Variants in MYO1D observed in about 807,000 individuals in gnomAD.
The protein encoded by MYO1D is unconventional myosin-Id.
A neutral mutation model predicts 122.0 loss-of-function variants in MYO1D; 83 were observed. The ratio of observed to expected loss-of-function variants is 0.68; its 90% CI spans 0.57 to 0.82. The LOEUF (loss-of-function observed/expected upper bound fraction) is 0.82, where lower values mean the gene tolerates loss of function less well. Ranked by LOEUF, MYO1D falls within the 40% of genes least tolerant of loss-of-function variation. The pLI is 0.00. For synonymous variants in MYO1D, 464 were observed against 446.9 expected (o/e 1.04, Z -0.48); for missense variants, 1,157 against 1,269.5 (o/e 0.91, Z 1.35).
intron 10 of MYO1D, among the ~76,000 whole-genome samples, chr17:32,759,573 T>C: frequency 6.6e-6 from 1 of 152,154 alleles, no homozygotes; most frequent in East Asian, 1.9e-4. Context: ...TGCTTAAAAA[T>C]ACAAACTTAC....
Position 32,544,083 on chromosome 17 carries a change from G to A in MYO1D, c.2865-49168C>T, listed in dbSNP as rs572798425. Among the ~76,000 whole-genome samples, 7 of 150,076 alleles carry A rather than the reference G, an allele frequency of 4.7e-5. No homozygotes were observed. In the South Asian group the frequency reaches 8.4e-4, roughly 18 times the overall value. On this transcript the variant is annotated intron_variant, in intron 21 of 21. Transcript: ENST00000318217. The stretch of plus-strand genomic sequence containing the variant: ...GCTGGGACTACAGGTGTGAGCCACC[G>A]CGCCTGGCCAAATCTTGCTTTTTTT...
chr17:32,818,726 T>C (rs2151056086), intron 1 of MYO1D, among the ~76,000 whole-genome samples: 1 of 152,348 alleles, frequency 6.6e-6, no homozygotes, highest in South Asian at 2.1e-4. Context: ...TCTAAGCCTG[T>C]TTCCTCATCT....
chr17:32,854,103 T>C (rs1173242220), intron 1 of MYO1D, among the ~76,000 whole-genome samples: 1 of 152,178 alleles, frequency 6.6e-6, no homozygotes, highest in Non-Finnish European at 1.5e-5. Flanking sequence ...ACTAGCAATA[T>C]CAACAACTTC....
intron 16 of MYO1D, among the ~76,000 whole-genome samples, chr17:32,702,080 C>G (rs1391814779): frequency 2.0e-5 from 3 of 152,194 alleles, no homozygotes; most frequent in Non-Finnish European, 2.9e-5. Context: ...CCATAACATG[C>G]CTGCCAGTTT....
chr17:32,704,727 T>C (rs957496741), intron 16 of MYO1D, among the ~76,000 whole-genome samples: 4 of 152,026 alleles, frequency 2.6e-5, no homozygotes, highest in Non-Finnish European at 4.4e-5. Flanking sequence ...GAGTGAAGAA[T>C]TGGAAACGCC....
intron 21 of MYO1D, among the ~76,000 whole-genome samples, chr17:32,548,238 C>T (rs1244885732): frequency 6.6e-6 from 1 of 151,608 alleles, no homozygotes; most frequent in East Asian, 2.0e-4. Context: ...GGCAACAAGG[C>T]TGGTCTTTTA....
intron 21 of MYO1D, among the ~76,000 whole-genome samples, chr17:32,516,849 G>A (rs554976116): frequency 6.6e-6 from 1 of 152,294 alleles, no homozygotes; most frequent in South Asian, 2.1e-4. Context: ...GCTTGTAAGT[G>A]GATTAAATAG....
intron 16 of MYO1D, among the ~76,000 whole-genome samples, chr17:32,698,892 T>C (rs1807530578): frequency 6.6e-6 from 1 of 152,142 alleles, no homozygotes; most frequent in Non-Finnish European, 1.5e-5. Context: ...TAAGAACATA[T>C]AAATAATATG....
intron 21 of MYO1D, among the ~76,000 whole-genome samples, chr17:32,602,993 T>C (rs943660173): frequency 6.6e-6 from 1 of 152,154 alleles, no homozygotes; most frequent in Non-Finnish European, 1.5e-5. Context: ...AGCCTGACTT[T>C]TCTGGGGTCT....
At chr17:32,619,507 C>T (rs2087826727) in intron 20 of MYO1D, among the ~76,000 whole-genome samples, 1 of 152,144 alleles carries the variant, frequency 6.6e-6, no homozygotes, top group African/African-American at 2.4e-5. Flanking sequence ...GCCAATGGCT[C>T]TCAACCATGG....
chr17:32,716,868 G>A (rs2089454562), intron 15 of MYO1D, among the ~76,000 whole-genome samples: 1 of 152,206 alleles, frequency 6.6e-6, no homozygotes, highest in African/African-American at 2.4e-5. Flanking sequence ...TTAAAAAGTT[G>A]AACTCATCTG....
intron 1 of MYO1D, among the ~76,000 whole-genome samples, chr17:32,873,430 T>C (rs558693438): frequency 1.3e-5 from 2 of 152,278 alleles, no homozygotes; most frequent in East Asian, 1.9e-4. Context: ...CAAGCACACA[T>C]GGGAATTTCA....
rs762319710 is a variant in MYO1D, at chr17:32,876,845, C to A, written c.28G>T (p.Gly10Cys). 1 of 1,517,532 alleles carries A rather than the reference C, an allele frequency of 6.6e-7. No individual in the cohort carries two copies. The highest frequency in any genetic ancestry group is 1.2e-5 in the South Asian group (1 of 80,308). 94.0% of individuals were successfully genotyped at this position (1,517,532 alleles called of 1,614,324 possible). Residue 10 changes from glycine (G) to cysteine (C), a missense_variant, in exon 1 of 22, where the codon GGC becomes TGC. Coordinates refer to ENST00000318217, the MANE Select transcript of MYO1D (RefSeq NM_015194.3). The stretch of plus-strand genomic sequence containing the variant: ...TCCATCAGCACGAAGTCTGCCTTGC[C>A]GAATTCCAGGCTCTCCTGCTCCGCC... MAEQESLEF[G>C]KADFVLMDTV...
At chr17:32,501,255 T>A (rs1188181159) in intron 21 of MYO1D, among the ~76,000 whole-genome samples, 1 of 152,178 alleles carries the variant, frequency 6.6e-6, no homozygotes, top group East Asian at 1.9e-4. Flanking sequence ...CTAGCTCGTA[T>A]CTCCCATAAC....
intron 1 of MYO1D, among the ~76,000 whole-genome samples, chr17:32,806,794 T>C (rs2090517651): frequency 6.6e-6 from 1 of 152,232 alleles, no homozygotes; most frequent in Admixed American, 6.5e-5. Context: ...AAGGTGTTGC[T>C]AGTCTGTTCC....
At chr17:32,703,697 C>T (rs1488924329) in intron 16 of MYO1D, among the ~76,000 whole-genome samples, 3 of 152,010 alleles carry the variant, frequency 2.0e-5, no homozygotes, top group Non-Finnish European at 2.9e-5. Flanking sequence ...ATTCCTCTTC[C>T]GAGACAACAA....
chr17:32,549,118 G>A (rs2150883054), intron 21 of MYO1D, among the ~76,000 whole-genome samples: 1 of 151,904 alleles, frequency 6.6e-6, no homozygotes, highest in South Asian at 2.1e-4. Flanking sequence ...TTTGAGACAG[G>A]GTCTTGTTCT....
intron 19 of MYO1D, among the ~76,000 whole-genome samples, chr17:32,642,608 G>C (rs1161816450): frequency 6.6e-6 from 1 of 152,076 alleles, no homozygotes; most frequent in Non-Finnish European, 1.5e-5. Context: ...TTATTTCATT[G>C]AGCAGTGGTT....
At chr17:32,511,732 A>G (rs1909702259) in intron 21 of MYO1D, among the ~76,000 whole-genome samples, 2 of 151,704 alleles carry the variant, frequency 1.3e-5, no homozygotes, top group African/African-American at 4.9e-5. Context: ...TTTTCTATTC[A>G]CATCATTAAT....
Sources: gnomAD v4.1 joint callset for allele counts (sites outside exome capture counted in the v4.1 genomes callset) on GRCh38, gnomAD v4.1.1 for gene constraint, MANE v1.5 for transcripts, NCBI Gene and HGNC (gene_info 2026-07-23, HGNC 2026-07-21) for gene names.